NSUN3: variants seen among roughly 807,000 people sequenced by gnomAD.
NSUN3 encodes NOP2/Sun RNA methyltransferase 3.
Under a neutral mutation model 36.8 loss-of-function variants are expected in NSUN3, and 24 were observed. That is an observed-to-expected ratio of 0.65 (90% confidence interval 0.47 to 0.92). The LOEUF (loss-of-function observed/expected upper bound fraction) is 0.92, where lower values mean the gene tolerates loss of function less well. NSUN3 is among the 40% of genes least tolerant of loss of function. The probability of loss-of-function intolerance (pLI) is 0.00; values close to 1 mark genes in which losing one functional copy is unlikely to be tolerated. For missense variants in NSUN3, 381 were observed against 392.8 expected, an observed-to-expected ratio of 0.97 and a Z score of 0.25; for synonymous variants, 146 against 145.2, an observed-to-expected ratio of 1.01 and a Z score of -0.04.
chr3:94,080,054 A>T (rs1334885836), intron 2 of NSUN3, among the ~76,000 whole-genome samples: 7 of 152,066 alleles, frequency 4.6e-5, no homozygotes, highest in African/African-American at 7.2e-5. Flanking sequence ...GTTTCTCCCC[A>T]TCTTTGTGGA....
intron 5 of NSUN3, among the ~76,000 whole-genome samples, chr3:94,100,254 G>A (rs1358236399): frequency 6.6e-6 from 1 of 152,110 alleles, no homozygotes; most frequent in Non-Finnish European, 1.5e-5. Flanking sequence ...TGACAGATAT[G>A]GTGCTCAAAG....
In NSUN3 at chr3:94,130,882, G is replaced by A. The variant is rs1337852711; in HGVS notation, c.*4392G>A. Among the ~76,000 whole-genome samples the A allele has an allele frequency of 1.3e-5, 2 of 152,052 alleles. No individual in the cohort carries two copies. Among genetic ancestry groups the A allele is most frequent in the Admixed American group, 6.5e-5 (1 of 15,278 alleles). On this transcript the variant is annotated 3_prime_UTR_variant, in exon 6 of 6. Transcript: ENST00000314622. ...AGGCCAGTCCTGCAAAGCCAGCAAA[G>A]TTTCATTTTCATTCAACCCTTTTTT...
At chr3:94,111,211 A>G (rs576361297) in intron 5 of NSUN3, among the ~76,000 whole-genome samples, 1 of 152,140 alleles carries the variant, frequency 6.6e-6, no homozygotes, top group East Asian at 1.9e-4. Flanking sequence ...GCTATAAAAG[A>G]TAAAAAAATT....
intron 3 of NSUN3, among the ~76,000 whole-genome samples, chr3:94,092,919 C>CAAAAA (rs1161530879): frequency 0.015 from 368 of 24,404 alleles, no homozygotes; most frequent in East Asian, 0.019. Context: ...GACTGCATCT[C>CAAAAA]AAAAAAAAAA....
chr3:94,117,989 A>C (rs1306396032), intron 5 of NSUN3, among the ~76,000 whole-genome samples: 2 of 152,204 alleles, frequency 1.3e-5, no homozygotes, highest in African/African-American at 4.8e-5. Context: ...ATGGGTACAA[A>C]AATACAGTTA....
intron 2 of NSUN3, among the ~76,000 whole-genome samples, chr3:94,068,234 G>A (rs144009207): frequency 1.9e-4 from 29 of 152,114 alleles, no homozygotes; most frequent in Admixed American, 6.6e-4. Flanking sequence ...GTTGTTTGAC[G>A]TATAGTAAGG....
chr3:94,125,872 C>G (rs1010915071), intron 5 of NSUN3, among the ~76,000 whole-genome samples: 1 of 152,020 alleles, frequency 6.6e-6, no homozygotes, highest in African/African-American at 2.4e-5. Flanking sequence ...CCAGCCTGAC[C>G]AACTTGGTGA....
intron 5 of NSUN3, among the ~76,000 whole-genome samples, chr3:94,096,797 A>G (rs2077343068): frequency 2.0e-5 from 3 of 152,062 alleles, no homozygotes; most frequent in Non-Finnish European, 4.4e-5. Flanking sequence ...AGCATCCCCC[A>G]GCCTCAGTTT....
At chr3:94,087,944 C>T (rs529569767) in intron 3 of NSUN3, among the ~76,000 whole-genome samples, 1 of 152,290 alleles carries the variant, frequency 6.6e-6, no homozygotes, top group East Asian at 1.9e-4. Flanking sequence ...GCTGGGATTA[C>T]AGATGTGAGC....
intron 3 of NSUN3, among the ~76,000 whole-genome samples, chr3:94,087,558 G>A (rs78209440): frequency 0.016 from 2,499 of 152,264 alleles, 78 homozygotes; most frequent in African/African-American, 0.057. Flanking sequence ...ATTCTAAATG[G>A]GAAAACATTA....
At chr3:94,075,540 C>T (rs2077242285) in intron 2 of NSUN3, among the ~76,000 whole-genome samples, 1 of 152,130 alleles carries the variant, frequency 6.6e-6, no homozygotes. Flanking sequence ...AGACACCTAC[C>T]TCATTTGGCT....
chr3:94,102,474 C>T (rs896648169), intron 5 of NSUN3, among the ~76,000 whole-genome samples: 1 of 152,200 alleles, frequency 6.6e-6, no homozygotes, highest in East Asian at 1.9e-4. Flanking sequence ...TATGCTTAGT[C>T]ATATGTTTGG....
intron 5 of NSUN3, among the ~76,000 whole-genome samples, chr3:94,097,877 T>C (rs575709014): frequency 2.0e-5 from 3 of 152,270 alleles, no homozygotes; most frequent in African/African-American, 7.2e-5. Context: ...ATCTGATGGC[T>C]TCAACTGATA....
chr3:94,070,491 T>C (rs2077221268), intron 2 of NSUN3, among the ~76,000 whole-genome samples: 1 of 152,114 alleles, frequency 6.6e-6, no homozygotes, highest in African/African-American at 2.4e-5. Context: ...AGACTTAGCA[T>C]GTTGGAGGGA....
chr3:94,092,180 G>A (rs1410699825), intron 3 of NSUN3, among the ~76,000 whole-genome samples: 1 of 152,122 alleles, frequency 6.6e-6, no homozygotes, highest in African/African-American at 2.4e-5. Flanking sequence ...ACCAATGAGA[G>A]AAAGAGACAA....
At position 94,075,877 on chromosome 3, in the gene NSUN3, G is replaced by C. The variant is rs1005340576; in HGVS notation, c.123-8230G>C. 3 of 1,236,032 alleles carry C rather than the reference G, an allele frequency of 2.4e-6. No homozygotes were observed. The Admixed American group carries it at 5.2e-5, about 21-fold the overall frequency. The allele number at this position is 1,236,032 out of a possible 1,614,324, so 76.6% of individuals were successfully genotyped here. On this transcript the variant is annotated intron_variant, in intron 2 of 5. Transcript: ENST00000314622. ...CTCAGGGTTGAGAAGAAAAAAAGGG[G>C]AGTCTAAAATCACAAGAAGTAAAGA... is the stretch of plus-strand genomic sequence containing the variant.
intron 2 of NSUN3, among the ~76,000 whole-genome samples, chr3:94,072,964 A>G (rs527440210): frequency 6.6e-6 from 1 of 151,818 alleles, no homozygotes; most frequent in South Asian, 2.1e-4. Context: ...GCCCCTCACC[A>G]CCCGACAGGC....
At chr3:94,103,013 A>G (rs1201989522) in intron 5 of NSUN3, among the ~76,000 whole-genome samples, 1 of 151,950 alleles carries the variant, frequency 6.6e-6, no homozygotes, top group Non-Finnish European at 1.5e-5. Context: ...CAGCCTCTCG[A>G]GTAGCTGGGA....
chr3:94,087,301 G>C (rs1027579821), intron 3 of NSUN3, among the ~76,000 whole-genome samples: 1 of 152,186 alleles, frequency 6.6e-6, no homozygotes, highest in Non-Finnish European at 1.5e-5. Context: ...TAAAATGATG[G>C]CTGCACTAAA....
Sources: gnomAD v4.1 joint callset for allele counts (sites outside exome capture counted in the v4.1 genomes callset) on GRCh38, gnomAD v4.1.1 for gene constraint, MANE v1.5 for transcripts, NCBI Gene and HGNC (gene_info 2026-07-23, HGNC 2026-07-21) for gene names.